The following RBFOX1 variants were observed in gnomAD, a reference collection of about 807,000 sequenced individuals.
RBFOX1 encodes the protein RNA binding fox-1 homolog 1.
A neutral mutation model predicts 57.7 loss-of-function variants in RBFOX1; 8 were observed. That is an observed-to-expected ratio of 0.14 (90% confidence interval 0.08 to 0.25). The LOEUF (loss-of-function observed/expected upper bound fraction) is 0.25. Ranked by LOEUF, RBFOX1 falls within the 10% of genes least tolerant of loss-of-function variation. The probability of loss-of-function intolerance (pLI) is 1.00; values close to 1 mark genes in which losing one functional copy is unlikely to be tolerated. For missense variants in RBFOX1, 611 were observed against 548.5 expected (o/e 1.11, Z -1.14); for synonymous variants, 326 against 222.4 (o/e 1.47, Z -4.15).
chr16:5,662,944 G>A (rs13335182), intron 3 of RBFOX1, among the ~76,000 whole-genome samples: 2,124 of 152,240 alleles, frequency 0.014, 61 homozygotes, highest in African/African-American at 0.049. Context: ...CATAGTAGAC[G>A]CTCAGTGCAT....
intron 4 of RBFOX1, among the ~76,000 whole-genome samples, chr16:7,156,019 A>G (rs959449700): frequency 6.6e-6 from 1 of 151,906 alleles, no homozygotes; most frequent in African/African-American, 2.4e-5. Flanking sequence ...ACACACTCAC[A>G]CATACACACA....
At position 5,714,557 on chromosome 16, in the gene RBFOX1, C is replaced by G. The variant is rs201603230; in HGVS notation, c.318+115596C>G. On this transcript the variant is annotated intron_variant, in intron 3 of 19. Coordinates refer to the RBFOX1 transcript ENST00000641259. ...ACCTTAGATGTGTGAAAAATAAACC[C>G]TTACAATCGAATGTCACTGAGGTTG... Among the ~76,000 whole-genome samples, 13 of 152,308 alleles carry G rather than the reference C, an allele frequency of 8.5e-5. No individual in the cohort carries two copies. In the East Asian group the frequency reaches 1.3e-3, roughly 16 times the overall value.
At chr16:6,747,437 A>C in intron 3 of RBFOX1, among the ~76,000 whole-genome samples, 1 of 129,562 alleles carries the variant, frequency 7.7e-6, no homozygotes, top group South Asian at 2.9e-4. Flanking sequence ...TCAGTCAGTC[A>C]GTCAGTTAGT....
At chr16:7,316,102 A>G (rs1053321329) in intron 4 of RBFOX1, among the ~76,000 whole-genome samples, 1 of 152,192 alleles carries the variant, frequency 6.6e-6, no homozygotes, top group African/African-American at 2.4e-5. Context: ...ATAAAATCAC[A>G]TTTCCTCTTT....
intron 3 of RBFOX1, among the ~76,000 whole-genome samples, chr16:6,885,600 C>T (rs181388705): frequency 2.0e-5 from 3 of 152,012 alleles, no homozygotes; most frequent in East Asian, 1.9e-4. Context: ...GGCACAGTCT[C>T]GGCTCACTGC....
At chr16:7,229,466 T>G (rs1277523583) in intron 4 of RBFOX1, among the ~76,000 whole-genome samples, 1 of 151,216 alleles carries the variant, frequency 6.6e-6, no homozygotes, top group African/African-American at 2.4e-5. Flanking sequence ...CAGAAGTCAT[T>G]ATATGAGAAT....
At chr16:7,008,515 G>C (rs937882695) in intron 3 of RBFOX1, among the ~76,000 whole-genome samples, 2 of 152,086 alleles carry the variant, frequency 1.3e-5, no homozygotes, top group Non-Finnish European at 2.9e-5. Context: ...ACTCCAGCCT[G>C]GGTGACAGGG....
At chr16:5,871,699 A>T (rs373586810) in intron 4 of RBFOX1, among the ~76,000 whole-genome samples, 15 of 152,260 alleles carry the variant, frequency 9.9e-5, no homozygotes, top group East Asian at 3.9e-4. Context: ...ACAGCCAAAC[A>T]AAGGAGGTTA....
chr16:7,679,400 G>A (rs2074181134), intron 14 of RBFOX1, among the ~76,000 whole-genome samples: 2 of 152,130 alleles, frequency 1.3e-5, no homozygotes, highest in Admixed American at 1.3e-4. Context: ...GTAGAAGACA[G>A]GCAAGATAAA....
chr16:5,242,228 A>T (rs1409262494), intron 1 of RBFOX1, among the ~76,000 whole-genome samples: 1 of 152,174 alleles, frequency 6.6e-6, no homozygotes, highest in East Asian at 1.9e-4. Context: ...GAAATATTTA[A>T]AAGGCAGAAA....
chr16:5,908,141 TATACAC>T (rs1293466375), intron 4 of RBFOX1, among the ~76,000 whole-genome samples: 10 of 144,686 alleles, frequency 6.9e-5, no homozygotes, highest in African/African-American at 2.7e-4. Flanking sequence ...TATACACATA[TATACAC>T]ATATATACAC....
chr16:6,275,953 A>G (rs978983532), intron 1 of RBFOX1, among the ~76,000 whole-genome samples: 1 of 152,152 alleles, frequency 6.6e-6, no homozygotes, highest in Non-Finnish European at 1.5e-5. Context: ...GAGTTTTTGT[A>G]TATTGCATTG....
At chr16:7,304,473 G>A (rs1421504824) in intron 4 of RBFOX1, 15 of 985,154 alleles carry the variant, frequency 1.5e-5, no homozygotes, top group Non-Finnish European at 1.8e-5. Flanking sequence ...TGACTTTTAT[G>A]TACTTACAGC....
At chr16:5,710,115 G>A (rs370113995) in intron 3 of RBFOX1, among the ~76,000 whole-genome samples, 3 of 151,784 alleles carry the variant, frequency 2.0e-5, no homozygotes, top group East Asian at 3.9e-4. Flanking sequence ...ATCTGAAGAT[G>A]CATGTGAGAG....
chr16:6,083,435 C>T (rs2152513333), intron 1 of RBFOX1, among the ~76,000 whole-genome samples: 1 of 152,224 alleles, frequency 6.6e-6, no homozygotes, highest in East Asian at 1.9e-4. Flanking sequence ...CTTTCAACTG[C>T]ATATCATTAC....
chr16:6,981,643 G>A (rs2088904585), intron 3 of RBFOX1, among the ~76,000 whole-genome samples: 1 of 152,170 alleles, frequency 6.6e-6, no homozygotes, highest in Non-Finnish European at 1.5e-5. Context: ...ATCTTACATA[G>A]TGGCAAGCCA....
chr16:5,712,264 C>T (rs893957178), intron 3 of RBFOX1, among the ~76,000 whole-genome samples: 1 of 152,202 alleles, frequency 6.6e-6, no homozygotes, highest in Non-Finnish European at 1.5e-5. Context: ...GGACACGAAG[C>T]CAAACCATAT....
chr16:6,470,654 A>T (rs995682876), intron 2 of RBFOX1, among the ~76,000 whole-genome samples: 1 of 152,208 alleles, frequency 6.6e-6, no homozygotes, highest in Non-Finnish European at 1.5e-5. Flanking sequence ...GATGTGGTCA[A>T]AATGAGCCTC....
At chr16:6,031,440 C>T (rs190521453) in intron 1 of RBFOX1, among the ~76,000 whole-genome samples, 2 of 152,316 alleles carry the variant, frequency 1.3e-5, no homozygotes, top group Admixed American at 6.5e-5. Context: ...TTAACTAGTA[C>T]CATCCTTTAT....
Sources: gnomAD v4.1 joint callset for allele counts (sites outside exome capture counted in the v4.1 genomes callset) on GRCh38, gnomAD v4.1.1 for gene constraint, MANE v1.5 for transcripts, NCBI Gene and HGNC (gene_info 2026-07-23, HGNC 2026-07-21) for gene names.